The following CTSC variants were observed in gnomAD, a reference collection of about 807,000 sequenced individuals.
CTSC encodes the protein dipeptidyl peptidase 1.
In CTSC, 37 loss-of-function variants were observed where a neutral mutation model predicts 40.9. That is an observed-to-expected ratio of 0.91 (90% CI 0.70 to 1.19). The LOEUF is 1.19. Ranked by LOEUF, CTSC falls within the 50% of genes most tolerant of loss-of-function variation. The pLI, the probability that CTSC is intolerant of heterozygous loss-of-function variation, is 0.00. For synonymous variants in CTSC, 232 were observed against 207.4 expected (o/e 1.12, Z -1.02); for missense variants, 594 against 567.3 (o/e 1.05, Z -0.48).
At chr11:88,326,840 C>A (rs1313450072) in intron 2 of CTSC, among the ~76,000 whole-genome samples, 1 of 152,180 alleles carries the variant, frequency 6.6e-6, no homozygotes, top group African/African-American at 2.4e-5. Flanking sequence ...GGCTATTTAT[C>A]CCATTTACAC....
At chr11:88,295,440 CATG>C (rs1944288096) in intron 6 of CTSC, among the ~76,000 whole-genome samples, 1 of 151,714 alleles carries the variant, frequency 6.6e-6, no homozygotes, top group African/African-American at 2.4e-5. Context: ...AGTGCAGTGG[CATG>C]ATATCGGCTC....
intron 2 of CTSC, among the ~76,000 whole-genome samples, chr11:88,319,053 T>G (rs935755554): frequency 6.6e-6 from 1 of 152,184 alleles, no homozygotes; most frequent in Non-Finnish European, 1.5e-5. Context: ...CCCTATAAGA[T>G]AGTTAAGGCA....
chr11:88,301,033 T>C (rs763161118), intron 4 of CTSC, among the ~76,000 whole-genome samples: 29 of 152,082 alleles, frequency 1.9e-4, no homozygotes, highest in Non-Finnish European at 3.8e-4. Context: ...ATCACTGATG[T>C]TTGACTTAGG....
intron 4 of CTSC, among the ~76,000 whole-genome samples, chr11:88,301,256 G>A (rs1222457257): frequency 6.6e-6 from 1 of 152,106 alleles, no homozygotes; most frequent in African/African-American, 2.4e-5. Context: ...CCGTTTACAT[G>A]GGCCACAACC....
At chr11:88,328,102 T>C (rs1371524610) in intron 2 of CTSC, 2 of 1,602,170 alleles carry the variant, frequency 1.2e-6, no homozygotes, top group Non-Finnish European at 8.6e-7. Flanking sequence ...AATTTTTCAA[T>C]GGAGCTCACC....
At chr11:88,317,758 A>G (rs1179010307) in intron 2 of CTSC, among the ~76,000 whole-genome samples, 1 of 152,244 alleles carries the variant, frequency 6.6e-6, no homozygotes. Flanking sequence ...TTTCACTTAT[A>G]TAAACATCAG....
chr11:88,319,923 AT>A (rs1329695765), intron 2 of CTSC, among the ~76,000 whole-genome samples: 2 of 152,160 alleles, frequency 1.3e-5, no homozygotes, highest in African/African-American at 4.8e-5. Flanking sequence ...AAATGTTTCC[AT>A]TTTTGCCCTT....
At chr11:88,328,968 C>G (rs1259349615) in intron 2 of CTSC, among the ~76,000 whole-genome samples, 2 of 152,044 alleles carry the variant, frequency 1.3e-5, no homozygotes, top group African/African-American at 2.4e-5. Context: ...AAGATTGGAG[C>G]CTTTCAAACA....
chr11:88,336,821 C>T (rs978794422), intron 1 of CTSC, among the ~76,000 whole-genome samples: 1 of 152,172 alleles, frequency 6.6e-6, no homozygotes, highest in African/African-American at 2.4e-5. Flanking sequence ...TATGGAATAT[C>T]TCCAGTATGT....
Position 88,337,628 on chromosome 11 carries a change from AAGC to A in CTSC, c.42_44del (p.Leu16del). ...AGCGCACGGCGCCGTCGCCGGAGAG[AAGC>A]AGCAGGAGGGCGGCGAGCAGCAAGG... On this transcript the variant is annotated inframe_deletion, in exon 1 of 7. Coordinates refer to ENST00000227266, the MANE Select transcript of CTSC (RefSeq NM_001814.6). The A allele has an allele frequency of 1.9e-6, 3 of 1,584,650 alleles. No individual in the cohort carries two copies. Among genetic ancestry groups the A allele is most frequent in the Non-Finnish European group, 2.6e-6 (3 of 1,164,870 alleles).
At chr11:88,320,060 A>C (rs1937964156) in intron 2 of CTSC, among the ~76,000 whole-genome samples, 1 of 152,204 alleles carries the variant, frequency 6.6e-6, no homozygotes, top group African/African-American at 2.4e-5. Context: ...CTCAGAAAGA[A>C]ACCAACTTCC....
At position 88,296,195 on chromosome 11, in the gene CTSC, T is replaced by C; in HGVS notation, c.827A>G (p.Asn276Ser). The stretch of plus-strand genomic sequence containing the variant: ...GCTTAGGATTGGGGTCTGAGAATTG[T>C]TGGTTAGTATACGGATTCTCGCTTC... ...MLEARIRILT[N>S]NSQTPILSPQ... Residue 276 changes from asparagine to serine, a missense_variant, in exon 6 of 7, where the codon AAC (asparagine) becomes AGC (serine). Physicochemically the swap from Asn to Ser is conservative, Grantham distance 46. Coordinates refer to ENST00000227266, the MANE Select transcript of CTSC (RefSeq NM_001814.6). 6.2e-7 allele frequency: 1 copy of C among 1,614,052 alleles called. No individual in the cohort carries two copies. Among genetic ancestry groups the C allele is most frequent in the Middle Eastern group, 1.6e-4 (1 of 6,062 alleles).
intron 2 of CTSC, among the ~76,000 whole-genome samples, chr11:88,330,439 C>G (rs1938318833): frequency 6.7e-6 from 1 of 149,362 alleles, no homozygotes; most frequent in African/African-American, 2.5e-5. Context: ...ACCTCTGCCT[C>G]CTGGGTTCAA....
chr11:88,334,552 T>G (rs568853103), intron 2 of CTSC, among the ~76,000 whole-genome samples: 2 of 152,182 alleles, frequency 1.3e-5, no homozygotes, highest in East Asian at 1.9e-4. Flanking sequence ...AAGGACAGCA[T>G]AGTAACTGCA....
In CTSC at chr11:88,320,789, T is replaced by A. The variant is rs1565259200; in HGVS notation, c.319-8235A>T. 1.0e-5 allele frequency: 10 copies of A among 958,388 alleles called. No individual in the cohort carries two copies. In the South Asian group the frequency reaches 4.4e-4, roughly 42 times the overall value. 59.4% of individuals were successfully genotyped at this position (958,388 alleles called of 1,614,324 possible). On this transcript the variant is annotated intron_variant, in intron 2 of 6. Transcript: ENST00000227266. ...CAAAGGTAACACTTCAAAGAACACA[T>A]CAATAAAACAATACCACATGATATA...
At chr11:88,322,719 G>A (rs1938056928) in intron 2 of CTSC, 1 of 152,156 alleles carries the variant, frequency 6.6e-6, no homozygotes, top group Admixed American at 6.6e-5. Context: ...ACTGAATCAG[G>A]AAGAAGTTGG....
At chr11:88,318,597 A>T (rs145316000) in intron 2 of CTSC, among the ~76,000 whole-genome samples, 2 of 152,302 alleles carry the variant, frequency 1.3e-5, no homozygotes, top group African/African-American at 4.8e-5. Flanking sequence ...TAACTCCCAT[A>T]TATATTTCTA....
intron 2 of CTSC, among the ~76,000 whole-genome samples, chr11:88,326,875 T>A (rs1384859607): frequency 1.3e-5 from 2 of 152,230 alleles, no homozygotes; most frequent in Admixed American, 1.3e-4. Flanking sequence ...GTTTATCTTT[T>A]CTACTGGTGG....
chr11:88,296,415 C>A, intron 5 of CTSC, 151 bp from the exon 6 acceptor site: 1 of 915,782 alleles, frequency 1.1e-6, no homozygotes, highest in Non-Finnish European at 1.7e-6. Context: ...AACTAACAAG[C>A]ATTGTTGAGC....
Sources: gnomAD v4.1 joint callset for allele counts (sites outside exome capture counted in the v4.1 genomes callset) on GRCh38, gnomAD v4.1.1 for gene constraint, MANE v1.5 for transcripts, NCBI Gene and HGNC (gene_info 2026-07-23, HGNC 2026-07-21) for gene names.